KCNK18: variants seen among roughly 807,000 people sequenced by gnomAD.
KCNK18 encodes potassium two pore domain channel subfamily K member 18.
KCNK18 carries 8 observed loss-of-function variants against 11.8 expected under a neutral mutation model. The ratio of observed to expected loss-of-function variants is 0.68; its 90% confidence interval spans 0.40 to 1.22. The LOEUF is 1.22. Ranked by LOEUF, KCNK18 falls within the 50% of genes most tolerant of loss-of-function variation. The pLI is 0.01. For missense variants in KCNK18, 442 were observed against 465.4 expected (o/e 0.95, Z 0.46); for synonymous variants, 208 against 185.8 (o/e 1.12, Z -0.97).
chr10:117,202,500 G>A (rs1159329089), intron 2 of KCNK18, among the ~76,000 whole-genome samples: 2 of 152,230 alleles, frequency 1.3e-5, no homozygotes, highest in African/African-American at 4.8e-5. Flanking sequence ...TGGGCATCAG[G>A]TTTTCTCCAT....
At chr10:117,204,608 A>G (rs571647840) in intron 2 of KCNK18, among the ~76,000 whole-genome samples, 12 of 152,230 alleles carry the variant, frequency 7.9e-5, no homozygotes, top group Non-Finnish European at 1.8e-4. Flanking sequence ...CTTGATAGAA[A>G]TGCAAATTAA....
chr10:117,202,519 C>T (rs1240289542), intron 2 of KCNK18, among the ~76,000 whole-genome samples: 1 of 152,212 alleles, frequency 6.6e-6, no homozygotes, highest in Non-Finnish European at 1.5e-5. Context: ...ATCCTTCTGC[C>T]CACTGGGCCA....
At position 117,200,370 on chromosome 10, in the gene KCNK18, G is replaced by A. The variant is rs1329815145; in HGVS notation, c.224-789G>A. On this transcript the variant is annotated intron_variant, in intron 1 of 2. Transcript: ENST00000334549. ...TGCAATTATAGGCGTGAGCCATCGT[G>A]CCCGGCAAACTCCATCAAGCGTAAT... 3.3e-5 allele frequency among the ~76,000 whole-genome samples: 5 copies of A among 152,318 alleles called. No individual in the cohort carries two copies. In the East Asian group the frequency reaches 5.8e-4, roughly 18 times the overall value.
At position 117,201,397 on chromosome 10, in the gene KCNK18, T is replaced by A. The variant is rs992990361; in HGVS notation, c.352+110T>A. ...GGAGATGGCCCTCCTCTCCCTCTCT[T>A]CTTCCCTCCCTTCCTCAAATCTATA... On this transcript the variant is annotated intron_variant, in intron 2 of 2. Transcript: ENST00000334549. The A allele has an allele frequency of 3.5e-6, 4 of 1,144,682 alleles. No individual in the cohort carries two copies. The African/African-American group carries it at 4.6e-5, about 13-fold the overall frequency. 70.9% of individuals were successfully genotyped at this position (1,144,682 alleles called of 1,614,324 possible). A position where few individuals can be genotyped will look rare whatever the true frequency, so the allele number is the denominator to read the frequency against.
In KCNK18 at chr10:117,201,237, G is replaced by A. The variant is rs1855010632; in HGVS notation, c.302G>A (p.Trp101Ter). Residue 101 changes from tryptophan to a stop codon, truncating the protein, a stop_gained, in exon 2 of 3, where the codon TGG becomes TAG. Transcript: ENST00000334549. LOFTEE classifies it low-confidence loss of function (END_TRUNC). ...KPQWFNRTTH[W>*]SFLSSLFFCC... ...CAGTGGTTTAACAGGACCACACACT[G>A]GTCCTTCCTGAGCTCGCTCTTTTTC... The A allele has an allele frequency of 6.2e-7, 1 of 1,614,142 alleles. No individual in the cohort carries two copies.
chr10:117,200,509 C>T (rs952624226), intron 1 of KCNK18, among the ~76,000 whole-genome samples: 1 of 152,140 alleles, frequency 6.6e-6, no homozygotes, highest in Non-Finnish European at 1.5e-5. Context: ...AGTTATCTTC[C>T]TTTGAAAGAT....
intron 2 of KCNK18, among the ~76,000 whole-genome samples, chr10:117,203,362 G>C (rs963975): frequency 0.67 from 102,113 of 151,926 alleles, 35,181 homozygotes; most frequent in Middle Eastern, 0.79. Flanking sequence ...GGCTCTAAGA[G>C]GGAATCACTG....
In KCNK18 at chr10:117,210,110, C is replaced by G. The variant is rs376558803; in HGVS notation, c.966C>G (p.Thr322=). The G allele has an allele frequency of 1.4e-4, 229 of 1,614,080 alleles. No individual in the cohort carries two copies. The highest frequency in any genetic ancestry group is 1.9e-4 in the Non-Finnish European group (220 of 1,180,034). ...TCTATTTCTGCTTTGTCACACTCAC[C>G]ACCATTGGGTTTGGGGATACTGTTT... The part of the protein sequence containing the change: ...NAFYFCFVTL[T]TIGFGDTVLE... The change falls in exon 3 of 3, where the codon ACC becomes ACG. Residue 322 remains threonine (T), a synonymous_variant. Transcript: ENST00000334549.
chr10:117,202,566 A>T (rs1855025778), intron 2 of KCNK18, among the ~76,000 whole-genome samples: 1 of 152,146 alleles, frequency 6.6e-6, no homozygotes, highest in East Asian at 1.9e-4. Flanking sequence ...ATTCAAGCAT[A>T]ACTGTGTCTT....
At chr10:117,199,836 GC>G (rs1444615561) in intron 1 of KCNK18, among the ~76,000 whole-genome samples, 1 of 152,192 alleles carries the variant, frequency 6.6e-6, no homozygotes, top group Non-Finnish European at 1.5e-5. Flanking sequence ...CAGGTTCAGT[GC>G]CATTCTCTTA....
rs151110855 is a variant in KCNK18 at position 117,200,085 on chromosome 10, T to C, written c.224-1074T>C. Among the ~76,000 whole-genome samples, 264 of 152,152 alleles carry C rather than the reference T, an allele frequency of 1.7e-3. 1 individual carries two copies. Among genetic ancestry groups the C allele is most frequent in the African/African-American group, 6.1e-3 (252 of 41,514 alleles). Reference sequence around the variant, plus strand: ...TGATCAAACTCCATCAAGTTTTTATTTTTATTTTTCTAGATGGAGACTCAC... The same window carrying C: ...TGATCAAACTCCATCAAGTTTTTATCTTTATTTTTCTAGATGGAGACTCAC... On this transcript the variant is annotated intron_variant, in intron 1 of 2. Transcript: ENST00000334549.
intron 2 of KCNK18, among the ~76,000 whole-genome samples, chr10:117,207,478 G>A (rs1271898772): frequency 2.0e-5 from 3 of 152,170 alleles, no homozygotes; most frequent in African/African-American, 4.8e-5. Context: ...CAGAGAGATC[G>A]TATCCCATAT....
intron 1 of KCNK18, among the ~76,000 whole-genome samples, chr10:117,199,194 C>T (rs1041752544): frequency 1.3e-5 from 2 of 152,184 alleles, no homozygotes; most frequent in African/African-American, 2.4e-5. Context: ...GTGGCGTGCA[C>T]TTGTAGTCCC....
At chr10:117,200,338 A>C (rs1026415565) in intron 1 of KCNK18, among the ~76,000 whole-genome samples, 1 of 152,154 alleles carries the variant, frequency 6.6e-6, no homozygotes, top group Non-Finnish European at 1.5e-5. Context: ...TTAGCCCTCC[A>C]AAGTGTTGCA....
In KCNK18 at chr10:117,210,247, A is replaced by T; in HGVS notation, c.1103A>T (p.Asn368Ile). The T allele has an allele frequency of 6.2e-7, 1 of 1,614,150 alleles. No individual in the cohort carries two copies. The highest frequency in any genetic ancestry group is 1.1e-5 in the South Asian group (1 of 91,082). Residue 368 changes from asparagine (N) to isoleucine (I), a missense_variant, in exon 3 of 3, where the codon AAT becomes ATT. Coordinates refer to ENST00000334549, the MANE Select transcript of KCNK18 (RefSeq NM_181840.1). ...VQNRLIDIYKNVMLFFAKGKF... is the reference protein window; with the variant it reads ...VQNRLIDIYKIVMLFFAKGKF... ...AACAGGCTGATTGACATATACAAAA[A>T]TGTTATGCTATTCTTTGCAAAAGGG...
intron 1 of KCNK18, among the ~76,000 whole-genome samples, chr10:117,199,898 G>T (rs967346378): frequency 6.6e-6 from 1 of 152,188 alleles, no homozygotes; most frequent in Non-Finnish European, 1.5e-5. Flanking sequence ...CCCACTGGCG[G>T]CTCAGGCCAA....
chr10:117,207,185 C>T (rs1428006602), intron 2 of KCNK18, among the ~76,000 whole-genome samples: 1 of 152,178 alleles, frequency 6.6e-6, no homozygotes, highest in Non-Finnish European at 1.5e-5. Flanking sequence ...TGCGCCATCA[C>T]ACCTGGCCAA....
rs1855127360 is a variant in KCNK18, at chr10:117,210,059, GAC to G, written c.919_920del (p.Gln307ValfsTer28). The G allele has an allele frequency of 1.2e-6, 2 of 1,614,066 alleles. No homozygotes were observed. Among genetic ancestry groups the G allele is most frequent in the Non-Finnish European group, 1.7e-6 (2 of 1,180,048 alleles). Reference protein sequence around the residue: ...CAAAILPFWETQLDFENAFYF... With the variant: ...CAAAILPFWEXQLDFENAFYF... ...CAGCTGCCATCCTCCCCTTCTGGGA[GAC>G]ACAGTTGGATTTCGAGAATGCCTTC... On this transcript the variant is annotated frameshift_variant, in exon 3 of 3. Coordinates refer to ENST00000334549, the MANE Select transcript of KCNK18 (RefSeq NM_181840.1). LOFTEE classifies it low-confidence loss of function (END_TRUNC).
intron 2 of KCNK18, among the ~76,000 whole-genome samples, chr10:117,207,733 A>C (rs891926340): frequency 6.6e-6 from 1 of 152,170 alleles, no homozygotes; most frequent in African/African-American, 2.4e-5. Context: ...CTGAATGCCC[A>C]CCTGCTCTTG....
Sources: allele counts gnomAD v4.1 joint callset (sites outside exome capture counted in the v4.1 genomes callset), GRCh38; gene constraint gnomAD v4.1.1; transcripts MANE v1.5; gene names NCBI Gene and HGNC (gene_info 2026-07-23, HGNC 2026-07-21).